Variants in TPCN2 observed in about 807,000 individuals in gnomAD.
TPCN2 encodes two pore channel protein 2.
Under a neutral mutation model 111.4 loss-of-function variants are expected in TPCN2, and 92 were observed. The observed-to-expected ratio is 0.83, with a 90% CI of 0.70 to 0.98. TPCN2 has a LOEUF of 0.98. TPCN2 is among the 50% of genes least tolerant of loss of function. TPCN2 has a pLI of 0.00. For missense variants in TPCN2, 995 were observed against 980.1 expected (o/e 1.02, Z -0.20); for synonymous variants, 405 against 414.5 (o/e 0.98, Z 0.28).
At chr11:69,076,550 G>C (rs1357857677) in intron 13 of TPCN2, among the ~76,000 whole-genome samples, 1 of 47,324 alleles carries the variant, frequency 2.1e-5, no homozygotes, top group Admixed American at 1.8e-4. Context: ...CTGCCCTCCT[G>C]CTCTGTCCCT....
intron 5 of TPCN2, among the ~76,000 whole-genome samples, chr11:69,062,074 T>G (rs923461115): frequency 6.6e-6 from 1 of 151,940 alleles, no homozygotes; most frequent in Admixed American, 6.6e-5. Flanking sequence ...GGCGTCTGCT[T>G]CTGATGAGGC....
intron 1 of TPCN2, among the ~76,000 whole-genome samples, chr11:69,051,735 G>A (rs1861237452): frequency 6.6e-6 from 1 of 152,214 alleles, no homozygotes; most frequent in Non-Finnish European, 1.5e-5. Flanking sequence ...TCAGGGCGGG[G>A]CGAGCTGTCC....
At chr11:69,072,507 A>G (rs1015415873) in intron 11 of TPCN2, 120 bp from the exon 12 acceptor site, 24 of 942,084 alleles carry the variant, frequency 2.5e-5, no homozygotes, top group Admixed American at 9.6e-5. Context: ...GGTGTGGCTC[A>G]AGCTGCAAAG....
intron 10 of TPCN2, 114 bp from the exon 11 acceptor site, chr11:69,071,783 GCCCCCAGGCTGTGGGGAACTGGGCCC>G (rs1855547198): frequency 1.4e-6 from 1 of 714,798 alleles, no homozygotes; most frequent in South Asian, 1.8e-5. Context: ...GTGAGGGGCT[GCCCCCAGGCTGTGGGGAACTGGGCCC>G]CCCCCCAAGG....
rs1856245494 is a variant in TPCN2, at chr11:69,085,769, G to T, written c.1920+17G>T. ...GACTTTGCGGTGAGCCCTGCGCCCT[G>T]TCCCAGCACCCTGCTCCCCGGGCTC... On this transcript the variant is annotated intron_variant, in intron 21 of 24. Coordinates refer to ENST00000294309, the MANE Select transcript of TPCN2 (RefSeq NM_139075.4). 3.1e-6 allele frequency: 5 copies of T among 1,613,760 alleles called. No individual in the cohort carries two copies. The highest frequency in any genetic ancestry group is 4.2e-6 in the Non-Finnish European group (5 of 1,179,768).
At position 69,066,019 on chromosome 11, in the gene TPCN2, G is replaced by A. The variant is rs573472058; in HGVS notation, c.727-1484G>A. ...CCTGCTGGGAGGTACACAGTGTGGG[G>A]TGGGAGATGGGCCGGGGCAGGGCCA... On this transcript the variant is annotated intron_variant, in intron 7 of 24. Coordinates refer to ENST00000294309, the MANE Select transcript of TPCN2 (RefSeq NM_139075.4). Among the ~76,000 whole-genome samples, 7 of 152,268 alleles carry A rather than the reference G, an allele frequency of 4.6e-5. No individual in the cohort carries two copies. In the East Asian group the frequency reaches 1.4e-3, roughly 30 times the overall value.
chr11:69,070,517 A>G (rs774750241), intron 9 of TPCN2, 22 bp downstream of exon 9: 1 of 1,578,578 alleles, frequency 6.3e-7, no homozygotes, highest in Non-Finnish European at 8.6e-7. Context: ...TAACGTGGCC[A>G]GCATTTTGTG....
intron 1 of TPCN2, among the ~76,000 whole-genome samples, chr11:69,052,029 C>T (rs940869149): frequency 3.3e-5 from 5 of 152,070 alleles, no homozygotes; most frequent in Admixed American, 2.0e-4. Flanking sequence ...CAGGGTGAAA[C>T]GGAGGATGGC....
chr11:69,052,677 C>T (rs764152764), intron 1 of TPCN2, among the ~76,000 whole-genome samples: 13 of 152,304 alleles, frequency 8.5e-5, no homozygotes, highest in Non-Finnish European at 1.6e-4. Flanking sequence ...GCTGCCTATA[C>T]CTCATGCCCC....
At position 69,067,631 on chromosome 11, in the gene TPCN2, G is replaced by C. The variant is rs369179304; in HGVS notation, c.829+26G>C. The C allele has an allele frequency of 3.1e-6, 5 of 1,609,260 alleles. No homozygotes were observed. The South Asian group carries it at 4.4e-5, about 14-fold the overall frequency. On this transcript the variant is annotated intron_variant, in intron 8 of 24. Transcript: ENST00000294309. The stretch of plus-strand genomic sequence containing the variant: ...GTGCGTGCAGGGCCAGGGAGGGACC[G>C]TGGGGGTCGGTGAGCCCAGCACTGG...
chr11:69,072,892 G>T (rs747983143), intron 12 of TPCN2, 23 bp from the exon 13 acceptor site: 1 of 1,600,302 alleles, frequency 6.2e-7, no homozygotes, highest in Admixed American at 1.7e-5. Flanking sequence ...CGCCCCTGCT[G>T]ACCTGTGCTC....
At position 69,078,602 on chromosome 11, in the gene TPCN2, G is replaced by T. The variant is rs766841999; in HGVS notation, c.1350+1G>T. 1.9e-6 allele frequency: 3 copies of T among 1,613,998 alleles called. No homozygotes were observed. The highest frequency in any genetic ancestry group is 1.3e-5 in the African/African-American group (1 of 75,056). Reference sequence around the variant, plus strand: ...CCTGGCAAACCTGGTGTCCATTTGCGTGAGTGTGGATTTGCCCCAGAGCTG... The same window carrying T: ...CCTGGCAAACCTGGTGTCCATTTGCTTGAGTGTGGATTTGCCCCAGAGCTG... On this transcript the variant is annotated splice_donor_variant, in intron 14 of 24. Coordinates refer to ENST00000294309, the MANE Select transcript of TPCN2 (RefSeq NM_139075.4). LOFTEE classifies it high-confidence loss of function.
At chr11:69,078,815 T>C in intron 15 of TPCN2, 22 bp downstream of exon 15, 1 of 1,614,112 alleles carries the variant, frequency 6.2e-7, no homozygotes, top group Non-Finnish European at 8.5e-7. Context: ...GCTGTCCACC[T>C]GTCAGGGCCA....
In TPCN2 at chr11:69,087,968, T is replaced by G. The variant is rs761529391; in HGVS notation, c.*15T>G. ...TGTGCAGGTGACGTCCGGGCTGCCG[T>G]CCCAGCAGGGGCGGCAGGAGAGAGA... On this transcript the variant is annotated 3_prime_UTR_variant, in exon 25 of 25. Transcript: ENST00000294309. 5.6e-6 allele frequency: 9 copies of G among 1,599,880 alleles called. No individual in the cohort carries two copies. Among genetic ancestry groups the G allele is most frequent in the Non-Finnish European group, 7.7e-6 (9 of 1,174,904 alleles).
intron 1 of TPCN2, among the ~76,000 whole-genome samples, chr11:69,051,963 C>T (rs1590700384): frequency 1.3e-5 from 2 of 152,078 alleles, no homozygotes; most frequent in Non-Finnish European, 2.9e-5. Context: ...TAGTGGGGGC[C>T]CAGGGGAAGC....
chr11:69,049,168 C>T (rs953212227), intron 1 of TPCN2, 62 bp downstream of exon 1: 14 of 1,062,748 alleles, frequency 1.3e-5, no homozygotes, highest in Non-Finnish European at 1.3e-5. Flanking sequence ...CGTGGGGGTC[C>T]CGCTGTCCCA....
chr11:69,070,742 C>T (rs1855488998), intron 9 of TPCN2, among the ~76,000 whole-genome samples: 1 of 148,364 alleles, frequency 6.7e-6, no homozygotes, highest in Admixed American at 6.7e-5. Flanking sequence ...CCAGGGATCC[C>T]CCACCAACAG....
At chr11:69,080,916 A>C (rs1855978602) in intron 17 of TPCN2, among the ~76,000 whole-genome samples, 1 of 152,128 alleles carries the variant, frequency 6.6e-6, no homozygotes, top group Non-Finnish European at 1.5e-5. Flanking sequence ...AGGGATGCCA[A>C]GCGGGGCTTG....
intron 13 of TPCN2, among the ~76,000 whole-genome samples, chr11:69,074,947 A>G (rs773244331): frequency 5.3e-5 from 8 of 152,280 alleles, no homozygotes; most frequent in South Asian, 4.1e-4. Context: ...TTCCAGTGTC[A>G]GGATTTGGTG....
Sources: allele counts gnomAD v4.1 joint callset (sites outside exome capture counted in the v4.1 genomes callset), GRCh38; gene constraint gnomAD v4.1.1; transcripts MANE v1.5; gene names NCBI Gene and HGNC (gene_info 2026-07-23, HGNC 2026-07-21).